The following UTP18 variants were observed in gnomAD, a reference collection of about 807,000 sequenced individuals.
The protein encoded by UTP18 is UTP18 small subunit processome component, also known as U3 small nucleolar RNA-associated protein 18 homolog.
In UTP18, 36 loss-of-function variants were observed where a neutral mutation model predicts 61.1. That is an observed-to-expected ratio of 0.59 (90% CI 0.45 to 0.78). The LOEUF (loss-of-function observed/expected upper bound fraction) is 0.78, where lower values mean the gene tolerates loss of function less well. UTP18 is among the 30% of genes least tolerant of loss of function. The pLI, the probability that UTP18 is intolerant of heterozygous loss-of-function variation, is 0.00. For synonymous variants in UTP18, 282 were observed against 251.1 expected (o/e 1.12, Z -1.16); for missense variants, 753 against 693.9 (o/e 1.09, Z -0.96).
intron 11 of UTP18, among the ~76,000 whole-genome samples, chr17:51,293,438 G>C (rs944382004): frequency 2.6e-5 from 4 of 152,078 alleles, no homozygotes; most frequent in Admixed American, 2.0e-4. Flanking sequence ...TCCAACCCAC[G>C]GCGCAGGACG....
At chr17:51,275,722 T>G (rs1026811552) in intron 5 of UTP18, 144 bp from the exon 6 acceptor site, 11 of 450,360 alleles carry the variant, frequency 2.4e-5, no homozygotes, top group Admixed American at 1.1e-4. Context: ...TTGTTTTTTG[T>G]TTTTTTTTTT....
At chr17:51,265,018 C>T (rs1199710850) in intron 2 of UTP18, among the ~76,000 whole-genome samples, 1 of 152,002 alleles carries the variant, frequency 6.6e-6, no homozygotes, top group Non-Finnish European at 1.5e-5. Flanking sequence ...ATGTCCTTGT[C>T]TATTGGAGAC....
At chr17:51,296,145 T>C (rs1905364408) in intron 12 of UTP18, 1 of 152,220 alleles carries the variant, frequency 6.6e-6, no homozygotes, top group East Asian at 1.9e-4. Flanking sequence ...CAAAACCTAA[T>C]TGCATCATTG....
In UTP18 at chr17:51,260,996, G is replaced by T. The variant is rs1387193014; in HGVS notation, c.342+70G>T. On this transcript the variant is annotated intron_variant, in intron 1 of 13. Transcript: ENST00000225298. ...CGCGCGGTGGGCGGTGAAGCTCCGG[G>T]GGGCGGAGCCTGGGCGACCTGCGGC... 8 of 1,325,472 alleles carry T rather than the reference G, an allele frequency of 6.0e-6. No homozygotes were observed. The East Asian group carries it at 2.2e-4, about 36-fold the overall frequency. 82.1% of individuals were successfully genotyped at this position (1,325,472 alleles called of 1,614,324 possible). A position where few individuals can be genotyped will look rare whatever the true frequency, so the allele number is the denominator to read the frequency against.
intron 11 of UTP18, among the ~76,000 whole-genome samples, chr17:51,289,345 C>T (rs1905190483): frequency 6.6e-6 from 1 of 150,700 alleles, no homozygotes; most frequent in Non-Finnish European, 1.5e-5. Flanking sequence ...TATAGGCATG[C>T]GCCACCACGC....
chr17:51,278,120 A>G (rs1244238944), intron 7 of UTP18, among the ~76,000 whole-genome samples: 3 of 152,136 alleles, frequency 2.0e-5, no homozygotes, highest in Admixed American at 1.3e-4. Flanking sequence ...AGCATTTCCA[A>G]TCTTTTCTTT....
intron 9 of UTP18, 88 bp from the exon 10 acceptor site, chr17:51,285,157 C>A: frequency 6.9e-7 from 1 of 1,451,142 alleles, no homozygotes; most frequent in Non-Finnish European, 9.6e-7. Flanking sequence ...GTCTCCTGTA[C>A]TGTTAAGAGG....
chr17:51,274,155 G>A (rs1298865549), intron 5 of UTP18, among the ~76,000 whole-genome samples: 8 of 152,114 alleles, frequency 5.3e-5, no homozygotes, highest in Non-Finnish European at 1.2e-4. Flanking sequence ...TCTTGCCTGT[G>A]AACCTTTGCT....
intron 7 of UTP18, among the ~76,000 whole-genome samples, 159 bp downstream of exon 7, chr17:51,277,463 G>C (rs913620963): frequency 2.0e-5 from 3 of 152,144 alleles, no homozygotes; most frequent in Non-Finnish European, 4.4e-5. Flanking sequence ...GAGATAACAC[G>C]TTTGAATGAA....
intron 1 of UTP18, among the ~76,000 whole-genome samples, chr17:51,262,063 C>CA (rs1485960178): frequency 4.0e-5 from 6 of 151,694 alleles, no homozygotes; most frequent in African/African-American, 1.5e-4. Context: ...AAACTCACTT[C>CA]AAGGGATATT....
chr17:51,278,939 G>C (rs1904820062), intron 7 of UTP18, among the ~76,000 whole-genome samples: 1 of 152,170 alleles, frequency 6.6e-6, no homozygotes, highest in East Asian at 1.9e-4. Flanking sequence ...GAACTAAGAT[G>C]TAGTCTTTGG....
At position 51,266,238 on chromosome 17, in the gene UTP18, G is replaced by C; in HGVS notation, c.512G>C (p.Ser171Thr). ...GATATGATGAAAAATGCTAGTGAAA[G>C]TAAACTTTCGAAAGACAACCTTAAA... ...RKDMMKNASE[S>T]KLSKDNLKKR... is the part of the protein sequence containing the mutation. The change falls in exon 3 of 14, where the codon AGT becomes ACT. Residue 171 changes from serine to threonine, a missense_variant. Coordinates refer to ENST00000225298, the MANE Select transcript of UTP18 (RefSeq NM_016001.3). The C allele has an allele frequency of 6.2e-7, 1 of 1,600,032 alleles. No individual in the cohort carries two copies. Among genetic ancestry groups the C allele is most frequent in the Non-Finnish European group, 8.5e-7 (1 of 1,175,476 alleles).
intron 4 of UTP18, among the ~76,000 whole-genome samples, chr17:51,271,702 C>T (rs1337409203): frequency 2.0e-5 from 3 of 152,172 alleles, no homozygotes; most frequent in Non-Finnish European, 2.9e-5. Flanking sequence ...TAGTCTTGCT[C>T]TGTCGTGTAG....
At chr17:51,293,441 G>A (rs563770517) in intron 11 of UTP18, among the ~76,000 whole-genome samples, 1 of 152,030 alleles carries the variant, frequency 6.6e-6, no homozygotes, top group Non-Finnish European at 1.5e-5. Flanking sequence ...AACCCACGGC[G>A]CAGGACGGTT....
chr17:51,287,547 T>C (rs2144438313), intron 10 of UTP18, among the ~76,000 whole-genome samples: 1 of 152,196 alleles, frequency 6.6e-6, no homozygotes, highest in Non-Finnish European at 1.5e-5. Flanking sequence ...GGAATTGTCA[T>C]TGAAGGGAGG....
intron 1 of UTP18, 111 bp downstream of exon 1, chr17:51,261,037 G>A (rs1187912643): frequency 9.7e-7 from 1 of 1,032,448 alleles, no homozygotes; most frequent in African/African-American, 1.7e-5. Context: ...GGAGCGCTCA[G>A]GTGGGAGGGA....
chr17:51,263,628 G>A (rs1311541717), intron 2 of UTP18, among the ~76,000 whole-genome samples: 1 of 152,174 alleles, frequency 6.6e-6, no homozygotes, highest in African/African-American at 2.4e-5. Context: ...AGAATACAGT[G>A]TTTGAAGTCA....
chr17:51,273,468 T>C lies in UTP18; in HGVS notation c.711+18T>C. 1 of 1,588,884 alleles carries C rather than the reference T, an allele frequency of 6.3e-7. No individual in the cohort carries two copies. The highest frequency in any genetic ancestry group is 8.6e-7 in the Non-Finnish European group (1 of 1,162,250). On this transcript the variant is annotated intron_variant, in intron 5 of 13. Coordinates refer to ENST00000225298, the MANE Select transcript of UTP18 (RefSeq NM_016001.3). ...TCTTGAAGGTGAGAGTCAGTGAAGT[T>C]GGGGGATCCTATCTAACTACTTACC... is the stretch of plus-strand genomic sequence containing the variant.
In UTP18 at chr17:51,280,478, G is replaced by C. The variant is rs374301359; in HGVS notation, c.1203G>C (p.Ser401=). The change falls in exon 9 of 14, where the codon TCG becomes TCC. Residue 401 remains serine, a splice_region_variant and synonymous_variant. Coordinates refer to ENST00000225298, the MANE Select transcript of UTP18 (RefSeq NM_016001.3). ...ATAGTAAGAAAGTATACGCCTCTTC[G>C]GGTAAGACAACGACATGAAAGAAGC... The part of the protein sequence containing the change: ...SSDSKKVYAS[S]GDGEVYVWDV... The C allele has an allele frequency of 1.9e-6, 3 of 1,613,612 alleles. No individual in the cohort carries two copies. Among genetic ancestry groups the C allele is most frequent in the African/African-American group, 1.3e-5 (1 of 75,004 alleles).
Sources: allele counts gnomAD v4.1 joint callset (sites outside exome capture counted in the v4.1 genomes callset), GRCh38; gene constraint gnomAD v4.1.1; transcripts MANE v1.5; gene names NCBI Gene and HGNC (gene_info 2026-07-23, HGNC 2026-07-21).